The following POU6F1 variants were observed in gnomAD, a reference collection of about 807,000 sequenced individuals.
The protein encoded by POU6F1 is POU domain, class 6, transcription factor 1.
Under a neutral mutation model 28.9 loss-of-function variants are expected in POU6F1, and 9 were observed. The ratio of observed to expected loss-of-function variants is 0.31; its 90% CI spans 0.19 to 0.54. POU6F1 has a LOEUF of 0.54. Ranked by LOEUF, POU6F1 falls within the 20% of genes least tolerant of loss-of-function variation. The probability of loss-of-function intolerance (pLI) is 0.94; values close to 1 mark genes in which losing one functional copy is unlikely to be tolerated. For missense variants in POU6F1, 338 were observed against 426.1 expected (o/e 0.79, Z 1.82); for synonymous variants, 173 against 171.1 (o/e 1.01, Z -0.09).
chr12:51,190,427 G>C lies in POU6F1; in HGVS notation c.1656C>G (p.Thr552=), dbSNP rs1192134245. The part of the protein sequence containing the change: ...SKKRKRRTSF[T]PQAIEALNAY... ...CATTGAGAGCCTCTATGGCCTGGGG[G>C]GTGAAGGAGGTGCGGCGTTTGCGTT... is the stretch of plus-strand genomic sequence containing the variant. The change falls in exon 11 of 11, where the codon ACC becomes ACG. Residue 552 remains threonine (T), a synonymous_variant. Coordinates refer to ENST00000333640, the MANE Select transcript of POU6F1 (RefSeq NM_001330422.2). The surrounding 1 kb of genome is among the most constrained non-coding windows in gnomAD (Gnocchi z 4.5). 1 of 1,614,146 alleles carries C rather than the reference G, an allele frequency of 6.2e-7. No homozygotes were observed. Among genetic ancestry groups the C allele is most frequent in the Non-Finnish European group, 8.5e-7 (1 of 1,180,026 alleles).
In POU6F1 at chr12:51,187,860, G is replaced by A. The variant is rs1398591862; in HGVS notation, c.*2387C>T. 1 of 152,118 alleles carries A rather than the reference G, an allele frequency of 6.6e-6. No individual in the cohort carries two copies. Among genetic ancestry groups the A allele is most frequent in the Non-Finnish European group, 1.5e-5 (1 of 68,014 alleles). The allele number at this position is 152,118 out of a possible 1,614,324, so 9.4% of individuals were successfully genotyped here. A position where few individuals can be genotyped will look rare whatever the true frequency, so the allele number is the denominator to read the frequency against. On this transcript the variant is annotated 3_prime_UTR_variant, in exon 11 of 11. Transcript: ENST00000333640. Reference sequence around the variant, plus strand: ...ATGTGCTATTCCCAGGGTGCCAGCTGTGACCCATTTGTCTCTCTCAAAAAA... The same window carrying A: ...ATGTGCTATTCCCAGGGTGCCAGCTATGACCCATTTGTCTCTCTCAAAAAA...
Position 51,187,863 on chromosome 12 carries a change from A to T in POU6F1, c.*2384T>A, listed in dbSNP as rs1181115688. On this transcript the variant is annotated 3_prime_UTR_variant, in exon 11 of 11. Coordinates refer to ENST00000333640, the MANE Select transcript of POU6F1 (RefSeq NM_001330422.2). ...TGCTATTCCCAGGGTGCCAGCTGTG[A>T]CCCATTTGTCTCTCTCAAAAAAGAA... 6.6e-6 allele frequency: 1 copy of T among 152,118 alleles called. No homozygotes were observed. The highest frequency in any genetic ancestry group is 2.4e-5 in the African/African-American group (1 of 41,420). The allele number at this position is 152,118 out of a possible 1,614,324, so 9.4% of individuals were successfully genotyped here.
At chr12:51,216,412 C>A (rs1023176830) in intron 1 of POU6F1, among the ~76,000 whole-genome samples, 1 of 152,080 alleles carries the variant, frequency 6.6e-6, no homozygotes, top group African/African-American at 2.4e-5. Flanking sequence ...TATGGTATTA[C>A]CTTGTTAGTT....
rs537774718 is a variant in POU6F1 at position 51,203,258 on chromosome 12, C to T, written c.244+915G>A. On this transcript the variant is annotated intron_variant, in intron 3 of 10. Transcript: ENST00000333640. The stretch of plus-strand genomic sequence containing the variant: ...TGAAGATGGATAAATGGGTGAAAAG[C>T]GAAGTGAGGGCATGATGAATAAACC... 3.2e-4 allele frequency among the ~76,000 whole-genome samples: 48 copies of T among 152,214 alleles called. No individual in the cohort carries two copies. In the South Asian group the frequency reaches 9.1e-3, roughly 29 times the overall value.
Position 51,190,241 on chromosome 12 carries a change from T to C in POU6F1, c.*6A>G, listed in dbSNP as rs745697689. On this transcript the variant is annotated 3_prime_UTR_variant, in exon 11 of 11. Coordinates refer to ENST00000333640, the MANE Select transcript of POU6F1 (RefSeq NM_001330422.2). The surrounding 1 kb of genome is among the most constrained non-coding windows in gnomAD (Gnocchi z 4.5). ...AGTGCTAGAACACAGGGCCAGGGGC[T>C]GAGCCCTAAGGGATCTGAAAGACGT... 1 of 1,613,566 alleles carries C rather than the reference T, an allele frequency of 6.2e-7. No homozygotes were observed. The highest frequency in any genetic ancestry group is 2.2e-5 in the East Asian group (1 of 44,888).
chr12:51,216,056 G>A (rs1409337896), intron 1 of POU6F1, among the ~76,000 whole-genome samples: 2 of 152,088 alleles, frequency 1.3e-5, no homozygotes, highest in Non-Finnish European at 1.5e-5. Flanking sequence ...GGTGGCTCAC[G>A]CCTGTAATCC....
At chr12:51,196,493 C>T (rs547916662) in intron 7 of POU6F1, among the ~76,000 whole-genome samples, 46 of 152,286 alleles carry the variant, frequency 3.0e-4, no homozygotes, top group African/African-American at 1.1e-3. Context: ...TAAAAATCTC[C>T]ATCTAATAGA....
chr12:51,191,472 A>G lies in POU6F1; in HGVS notation c.1490+124T>C, dbSNP rs1292057936. 4 of 1,178,850 alleles carry G rather than the reference A, an allele frequency of 3.4e-6. No individual in the cohort carries two copies. In the Middle Eastern group the frequency reaches 8.9e-4, roughly 262 times the overall value. 73.0% of individuals were successfully genotyped at this position (1,178,850 alleles called of 1,614,324 possible). A position where few individuals can be genotyped will look rare whatever the true frequency, so the allele number is the denominator to read the frequency against. Reference sequence around the variant, plus strand: ...ATCTACCCTTAAGATGGTCTTCCTTATCTGGAAAAAGGCTGGAGCAAGGGG... The same window carrying G: ...ATCTACCCTTAAGATGGTCTTCCTTGTCTGGAAAAAGGCTGGAGCAAGGGG... On this transcript the variant is annotated intron_variant, in intron 10 of 10. Coordinates refer to ENST00000333640, the MANE Select transcript of POU6F1 (RefSeq NM_001330422.2).
rs191791190 is a variant in POU6F1 at position 51,206,150 on chromosome 12, G to A, written c.48+639C>T. 3.4e-3 allele frequency among the ~76,000 whole-genome samples: 511 copies of A among 149,492 alleles called. 12 individuals are homozygous for A. The highest frequency in any genetic ancestry group is 0.03 in the Admixed American group (454 of 15,080). The stretch of plus-strand genomic sequence containing the variant: ...TCTCCTTTTAAAAAATGGGCCGGGC[G>A]CGGTGGCTCACGCCTGTAATTCCAG... On this transcript the variant is annotated intron_variant, in intron 2 of 10. Transcript: ENST00000333640.
chr12:51,215,206 C>T (rs1048059680), intron 1 of POU6F1, among the ~76,000 whole-genome samples: 4 of 152,098 alleles, frequency 2.6e-5, no homozygotes, highest in Non-Finnish European at 4.4e-5. Context: ...ACACACCCTA[C>T]TTCAAATGTT....
rs1211931757 is a variant in POU6F1, at chr12:51,190,193, C to T, written c.*54G>A. ...GTGCTGTCATGGCAGTGGCTGCAGCCGGATGCCACGGGAAATGGACAAAGT... is the reference window on the plus strand; with the variant it reads ...GTGCTGTCATGGCAGTGGCTGCAGCTGGATGCCACGGGAAATGGACAAAGT... On this transcript the variant is annotated 3_prime_UTR_variant, in exon 11 of 11. Transcript: ENST00000333640. This position sits in a 1 kb window ranked among gnomAD's most constrained non-coding sequence, Gnocchi z 4.5. The T allele has an allele frequency of 1.7e-5, 27 of 1,579,154 alleles. No homozygotes were observed. Among genetic ancestry groups the T allele is most frequent in the South Asian group, 4.6e-5 (4 of 86,712 alleles).
At chr12:51,200,576 T>G (rs919571323) in intron 3 of POU6F1, among the ~76,000 whole-genome samples, 1 of 152,228 alleles carries the variant, frequency 6.6e-6, no homozygotes, top group Non-Finnish European at 1.5e-5. Flanking sequence ...ACCAGGAAAC[T>G]TCTTCACAGC....
chr12:51,213,135 C>A (rs1262694084), intron 1 of POU6F1, among the ~76,000 whole-genome samples: 2 of 152,108 alleles, frequency 1.3e-5, no homozygotes, highest in African/African-American at 4.8e-5. Context: ...CGGGGTTTCA[C>A]CATGTTGCCC....
At chr12:51,205,034 C>CTTT (rs767521766) in intron 2 of POU6F1, among the ~76,000 whole-genome samples, 67 of 113,646 alleles carry the variant, frequency 5.9e-4, no homozygotes, top group Middle Eastern at 5.3e-3. Context: ...TGGACTGCAG[C>CTTT]TTTTTTTTTT....
In POU6F1 at chr12:51,199,689, G is replaced by A. The variant is rs974146874; in HGVS notation, c.366+58C>T. 2.3e-5 allele frequency: 9 copies of A among 398,958 alleles called. No individual in the cohort carries two copies. The highest frequency in any genetic ancestry group is 3.5e-5 in the Non-Finnish European group (8 of 226,154). The allele number at this position is 398,958 out of a possible 1,614,324, so 24.7% of individuals were successfully genotyped here. A position where few individuals can be genotyped will look rare whatever the true frequency, so the allele number is the denominator to read the frequency against. The stretch of plus-strand genomic sequence containing the variant: ...ATTCCATGGCTTCCCCATGCTGGCT[G>A]TCCCATGCCTCGCTCCTGCCCCCGG... On this transcript the variant is annotated intron_variant, in intron 4 of 10. Coordinates refer to ENST00000333640, the MANE Select transcript of POU6F1 (RefSeq NM_001330422.2). The surrounding 1 kb of genome is among the most constrained non-coding windows in gnomAD (Gnocchi z 4.1).
chr12:51,209,765 C>T (rs959077912), intron 1 of POU6F1, among the ~76,000 whole-genome samples: 1 of 152,138 alleles, frequency 6.6e-6, no homozygotes, highest in Non-Finnish European at 1.5e-5. Context: ...TTCCTTAACC[C>T]CTCTAGAGTG....
chr12:51,210,327 C>T (rs868636530), intron 1 of POU6F1, among the ~76,000 whole-genome samples: 2 of 152,116 alleles, frequency 1.3e-5, no homozygotes, highest in African/African-American at 2.4e-5. Context: ...GAGGAAGAGA[C>T]AAAATTGAAA....
intron 8 of POU6F1, 64 bp from the exon 9 acceptor site, chr12:51,192,535 G>GGGTGGACC (rs1942498514): frequency 7.6e-6 from 12 of 1,576,478 alleles, no homozygotes; most frequent in Non-Finnish European, 9.5e-6. Flanking sequence ...TAAAATCCCT[G>GGGTGGACC]GGTGGACCAG....
In POU6F1 at chr12:51,199,458, A is replaced by G. The variant is rs1943066405; in HGVS notation, c.366+289T>C. On this transcript the variant is annotated intron_variant, in intron 4 of 10. Transcript: ENST00000333640. The surrounding 1 kb of genome is among the most constrained non-coding windows in gnomAD (Gnocchi z 4.1). The stretch of plus-strand genomic sequence containing the variant: ...GGCAAGGGTATTCATTCATTTAGTC[A>G]TTTGATAAACAGAAACTCTGGCTGC... Among the ~76,000 whole-genome samples the G allele has an allele frequency of 6.6e-6, 1 of 152,180 alleles. No homozygotes were observed. The highest frequency in any genetic ancestry group is 2.1e-4 in the South Asian group (1 of 4,830).
Sources: allele counts gnomAD v4.1 joint callset (sites outside exome capture counted in the v4.1 genomes callset), GRCh38; gene constraint gnomAD v4.1.1; non-coding constraint Gnocchi (gnomAD v3.1); transcripts MANE v1.5; gene names NCBI Gene and HGNC (gene_info 2026-07-23, HGNC 2026-07-21).